CHL1: variants seen among roughly 807,000 people sequenced by gnomAD.
CHL1 encodes the protein cell adhesion molecule L1 like.
CHL1 carries 96 observed loss-of-function variants against 141.9 expected under a neutral mutation model. That is an observed-to-expected ratio of 0.68 (90% confidence interval 0.57 to 0.80). The LOEUF (loss-of-function observed/expected upper bound fraction) is 0.80, where lower values mean the gene tolerates loss of function less well. CHL1 is among the 30% of genes least tolerant of loss of function. CHL1 has a pLI of 0.00. For missense variants in CHL1, 1,820 were observed against 1,457.2 expected, an observed-to-expected ratio of 1.25 and a Z score of -4.05; for synonymous variants, 613 against 502.2, an observed-to-expected ratio of 1.22 and a Z score of -2.95.
rs1704669886 is a variant in CHL1, at chr3:364,873, C to T, written c.1586-1077C>T. ...ATAAAGTTGTTATAATTATAAAATG[C>T]CACAATGAATATGCATTACTTAGCA... On this transcript the variant is annotated intron_variant, in intron 14 of 27. Coordinates refer to ENST00000256509, the MANE Select transcript of CHL1 (RefSeq NM_006614.4). 2.0e-5 allele frequency among the ~76,000 whole-genome samples: 3 copies of T among 151,956 alleles called. No individual in the cohort carries two copies. In the South Asian group the frequency reaches 6.2e-4, roughly 32 times the overall value.
At chr3:382,703 A>C (rs757746868) in intron 18 of CHL1, 32 bp downstream of exon 18, 20 of 1,586,538 alleles carry the variant, frequency 1.3e-5, no homozygotes, top group Middle Eastern at 1.7e-4. Flanking sequence ...GTTTCTAACA[A>C]AATATTTGTT....
In CHL1 at chr3:389,443, T is replaced by A; in HGVS notation, c.2439T>A (p.Pro813=). The A allele has an allele frequency of 6.2e-7, 1 of 1,614,152 alleles. No individual in the cohort carries two copies. The highest frequency in any genetic ancestry group is 8.5e-7 in the Non-Finnish European group (1 of 1,180,000). Residue 813 remains proline, a synonymous_variant, in exon 20 of 28, where the codon CCT becomes CCA. Transcript: ENST00000256509. ...AINQLGSGPD[P]QSVTLYSGED... The stretch of plus-strand genomic sequence containing the variant: ...ATCAACTAGGATCTGGGCCTGACCC[T>A]CAGTCAGTGACTCTCTATTCTGGAG...
chr3:379,276 G>A (rs1206825395), intron 16 of CHL1, among the ~76,000 whole-genome samples: 1 of 152,086 alleles, frequency 6.6e-6, no homozygotes, highest in African/African-American at 2.4e-5. Flanking sequence ...GGCCATCAAG[G>A]TTGGGTTCTA....
chr3:368,147 G>A (rs1458041054), intron 15 of CHL1, among the ~76,000 whole-genome samples: 3 of 152,052 alleles, frequency 2.0e-5, no homozygotes, highest in African/African-American at 7.2e-5. Flanking sequence ...GGTATTTCTG[G>A]TTCTAGATCC....
At chr3:245,324 C>G (rs1693061196) in intron 2 of CHL1, among the ~76,000 whole-genome samples, 1 of 152,118 alleles carries the variant, frequency 6.6e-6, no homozygotes, top group Non-Finnish European at 1.5e-5. Flanking sequence ...TCTAGGTAAG[C>G]TGTTTAGCTA....
chr3:342,617 C>A (rs923929152), intron 7 of CHL1, among the ~76,000 whole-genome samples: 1 of 152,134 alleles, frequency 6.6e-6, no homozygotes, highest in African/African-American at 2.4e-5. Flanking sequence ...CAACAGTTTG[C>A]TGAGCGAATA....
intron 2 of CHL1, among the ~76,000 whole-genome samples, chr3:289,829 A>G (rs574858137): frequency 2.6e-5 from 4 of 151,684 alleles, no homozygotes; most frequent in Admixed American, 2.0e-4. Context: ...TAATACATTT[A>G]CTTAATACAT....
intron 10 of CHL1, among the ~76,000 whole-genome samples, chr3:352,418 C>G (rs1703349466): frequency 6.6e-6 from 1 of 152,016 alleles, no homozygotes; most frequent in Non-Finnish European, 1.5e-5. Context: ...TATATAGTCC[C>G]AATGTTCAGA....
At chr3:338,056 G>A (rs887551657) in intron 5 of CHL1, among the ~76,000 whole-genome samples, 1 of 152,064 alleles carries the variant, frequency 6.6e-6, no homozygotes, top group Non-Finnish European at 1.5e-5. Context: ...AGTAGAGACG[G>A]GGTTTCACCA....
intron 1 of CHL1, among the ~76,000 whole-genome samples, chr3:219,396 C>T (rs1195301713): frequency 1.3e-5 from 2 of 152,132 alleles, no homozygotes; most frequent in Non-Finnish European, 2.9e-5. Flanking sequence ...CATTGCAGCA[C>T]TATTCACAAT....
chr3:213,123 T>G (rs1700031959), intron 1 of CHL1: 1 of 152,222 alleles, frequency 6.6e-6, no homozygotes. Context: ...CTGCTCTGTC[T>G]TATAAAATAG....
chr3:314,329 G>GTGTGTGTATATATATATA (rs1455318071), intron 2 of CHL1, among the ~76,000 whole-genome samples: 1 of 65,344 alleles, frequency 1.5e-5, no homozygotes, highest in African/African-American at 5.3e-5. Context: ...CTCTCTATGT[G>GTGTGTGTATATATATATA]TATATATATA....
intron 26 of CHL1, among the ~76,000 whole-genome samples, chr3:400,565 A>G (rs1709040803): frequency 6.7e-6 from 1 of 148,972 alleles, no homozygotes; most frequent in South Asian, 2.1e-4. Flanking sequence ...TGTTCCAGGA[A>G]GAACAATTTG....
Position 392,187 on chromosome 3 carries a change from G to A in CHL1, c.2914+390G>A, listed in dbSNP as rs974623425. On this transcript the variant is annotated intron_variant, in intron 23 of 27. Coordinates refer to ENST00000256509, the MANE Select transcript of CHL1 (RefSeq NM_006614.4). The stretch of plus-strand genomic sequence containing the variant: ...GTGTGCTGATGGGTACACAAAACAC[G>A]TGTTTAATGTTTATATATAAGATGT... Among the ~76,000 whole-genome samples the A allele has an allele frequency of 5.3e-5, 8 of 152,158 alleles. No individual in the cohort carries two copies. The East Asian group carries it at 9.6e-4, about 18-fold the overall frequency.
chr3:377,673 C>A, intron 15 of CHL1, 145 bp from the exon 16 acceptor site: 2 of 627,032 alleles, frequency 3.2e-6, no homozygotes, highest in Non-Finnish European at 5.3e-6. Flanking sequence ...TCAACTGTGG[C>A]ATTCTCTAAT....
At chr3:314,025 A>G (rs901201988) in intron 2 of CHL1, among the ~76,000 whole-genome samples, 1 of 152,058 alleles carries the variant, frequency 6.6e-6, no homozygotes, top group Non-Finnish European at 1.5e-5. Context: ...ACATTTTCTC[A>G]TCTTGTTCCA....
At chr3:333,124 A>ATTTTTCTTTTTTTTTTTTTTTT (rs1701576849) in intron 5 of CHL1, among the ~76,000 whole-genome samples, 1 of 83,312 alleles carries the variant, frequency 1.2e-5, no homozygotes, top group Admixed American at 1.9e-4. Flanking sequence ...TAATTGCTCT[A>ATTTTTCTTTTTTTTTTTTTTTT]TTTTTTTTAT....
chr3:345,175 A>G (rs62227258), intron 9 of CHL1, among the ~76,000 whole-genome samples: 22 of 152,108 alleles, frequency 1.4e-4, no homozygotes, highest in Non-Finnish European at 3.1e-4. Context: ...CATTCTCCTT[A>G]GTTAAGTTTA....
intron 12 of CHL1, 115 bp downstream of exon 12, chr3:360,539 T>A: frequency 9.7e-7 from 1 of 1,030,030 alleles, no homozygotes; most frequent in Non-Finnish European, 1.4e-6. Context: ...AAAATCAAAC[T>A]ACTTTTCACC....
Sources: allele counts gnomAD v4.1 joint callset (sites outside exome capture counted in the v4.1 genomes callset), GRCh38; gene constraint gnomAD v4.1.1; transcripts MANE v1.5; gene names NCBI Gene and HGNC (gene_info 2026-07-23, HGNC 2026-07-21).